The following CCDC60 variants were observed in gnomAD, a reference collection of about 807,000 sequenced individuals.
CCDC60 encodes coiled-coil domain-containing protein 60.
Under a neutral mutation model 63.5 loss-of-function variants are expected in CCDC60, and 54 were observed. That is an observed-to-expected ratio of 0.85 (90% confidence interval 0.68 to 1.07). The LOEUF (loss-of-function observed/expected upper bound fraction) is 1.07. Ranked by LOEUF, CCDC60 falls within the 50% of genes least tolerant of loss-of-function variation. CCDC60 has a pLI of 0.00. For missense variants in CCDC60, 651 were observed against 684.3 expected (o/e 0.95, Z 0.54); for synonymous variants, 206 against 238.8 (o/e 0.86, Z 1.27).
At chr12:119,377,254 C>CAAAAAAAAA (rs60100165) in intron 1 of CCDC60, among the ~76,000 whole-genome samples, 115 of 47,424 alleles carry the variant, frequency 2.4e-3, no homozygotes, top group Non-Finnish European at 3.4e-3. Context: ...CACTCCATCT[C>CAAAAAAAAA]AAAAAAAAAA....
intron 7 of CCDC60, among the ~76,000 whole-genome samples, chr12:119,514,340 CTA>C (rs1206625462): frequency 3.7e-5 from 4 of 108,476 alleles, no homozygotes; most frequent in African/African-American, 8.4e-5. Flanking sequence ...CCACATCTGG[CTA>C]TTTTTTTTTT....
chr12:119,381,959 A>C (rs548311872), intron 1 of CCDC60, among the ~76,000 whole-genome samples: 5 of 152,360 alleles, frequency 3.3e-5, no homozygotes, highest in Admixed American at 3.3e-4. Context: ...AAGTGAGCAC[A>C]AAGCAGGCTG....
At chr12:119,357,186 A>G (rs1955726727) in intron 1 of CCDC60, among the ~76,000 whole-genome samples, 1 of 152,188 alleles carries the variant, frequency 6.6e-6, no homozygotes, top group East Asian at 1.9e-4. Flanking sequence ...ATGTGTAATG[A>G]TCAAGTGAGG....
At chr12:119,522,902 A>G in intron 9 of CCDC60, 37 bp from the exon 10 acceptor site, 11 of 1,607,394 alleles carry the variant, frequency 6.8e-6, no homozygotes, top group Non-Finnish European at 9.4e-6. Flanking sequence ...TGAAAAGCAG[A>G]CTCTGAGCAA....
chr12:119,496,867 G>A (rs1322730026), intron 5 of CCDC60, among the ~76,000 whole-genome samples: 2 of 152,130 alleles, frequency 1.3e-5, no homozygotes, highest in Admixed American at 6.5e-5. Flanking sequence ...AGACTTGCCC[G>A]AGGTCACACA....
intron 1 of CCDC60, among the ~76,000 whole-genome samples, chr12:119,335,676 T>G (rs1407338566): frequency 1.3e-5 from 2 of 152,140 alleles, no homozygotes; most frequent in African/African-American, 4.8e-5. Context: ...TTTGTTTAAG[T>G]TCATTGTAGA....
At chr12:119,391,412 G>A (rs746616902) in intron 1 of CCDC60, among the ~76,000 whole-genome samples, 7 of 152,170 alleles carry the variant, frequency 4.6e-5, no homozygotes, top group Non-Finnish European at 8.8e-5. Flanking sequence ...AATGTCTTAG[G>A]CATGGATATA....
chr12:119,367,576 G>T (rs1955853474), intron 1 of CCDC60, among the ~76,000 whole-genome samples: 1 of 152,182 alleles, frequency 6.6e-6, no homozygotes, highest in African/African-American at 2.4e-5. Context: ...CTGTGACCTT[G>T]GGAAAGCTTA....
intron 1 of CCDC60, among the ~76,000 whole-genome samples, chr12:119,414,836 C>G (rs2136204996): frequency 6.6e-6 from 1 of 152,322 alleles, no homozygotes; most frequent in East Asian, 1.9e-4. Context: ...GCATGAGCCA[C>G]CACACCTGGC....
intron 2 of CCDC60, among the ~76,000 whole-genome samples, chr12:119,453,016 G>A (rs1023026774): frequency 3.3e-5 from 5 of 151,994 alleles, no homozygotes; most frequent in African/African-American, 1.2e-4. Flanking sequence ...TAGTAGAGAC[G>A]GGGTTTCACC....
chr12:119,523,144 C>T (rs1952576028), intron 10 of CCDC60, 143 bp downstream of exon 10: 1 of 784,204 alleles, frequency 1.3e-6, no homozygotes, highest in Non-Finnish European at 2.2e-6. Flanking sequence ...AGGGATCCCC[C>T]AGGTTTAGGG....
intron 13 of CCDC60, among the ~76,000 whole-genome samples, chr12:119,531,296 TA>T (rs767302546): frequency 6.6e-6 from 1 of 152,148 alleles, no homozygotes; most frequent in South Asian, 2.1e-4. Flanking sequence ...TGGGGTGGCA[TA>T]AAAAATGGGC....
In CCDC60 at chr12:119,354,553, T is replaced by G. The variant is rs560078929; in HGVS notation, c.90+19287T>G. ...GGGTTTTTCAGCATAAATCGCCATT[T>G]TCTGAAGGTTCACCTTTCTGCTTTA... On this transcript the variant is annotated intron_variant, in intron 1 of 13. Coordinates refer to ENST00000327554, the MANE Select transcript of CCDC60 (RefSeq NM_178499.5). 3.9e-5 allele frequency among the ~76,000 whole-genome samples: 6 copies of G among 152,358 alleles called. No individual in the cohort carries two copies. The East Asian group carries it at 9.6e-4, about 24-fold the overall frequency.
intron 13 of CCDC60, among the ~76,000 whole-genome samples, chr12:119,537,397 T>C (rs1051991525): frequency 6.6e-6 from 1 of 152,248 alleles, no homozygotes; most frequent in Non-Finnish European, 1.5e-5. Flanking sequence ...ACCGACCTTC[T>C]GAAGCCTACT....
At chr12:119,460,714 C>A (rs1261363428) in intron 2 of CCDC60, among the ~76,000 whole-genome samples, 1 of 152,192 alleles carries the variant, frequency 6.6e-6, no homozygotes, top group African/African-American at 2.4e-5. Flanking sequence ...CAATTCATAT[C>A]TGCTAATATC....
intron 1 of CCDC60, among the ~76,000 whole-genome samples, chr12:119,364,665 A>T (rs1260113509): frequency 6.6e-6 from 1 of 152,202 alleles, no homozygotes; most frequent in Non-Finnish European, 1.5e-5. Flanking sequence ...TGAGAAGATA[A>T]AAGTAATTTG....
intron 5 of CCDC60, among the ~76,000 whole-genome samples, chr12:119,495,861 G>T (rs140547782): frequency 1.3e-5 from 2 of 152,212 alleles, no homozygotes; most frequent in African/African-American, 2.4e-5. Context: ...AAGATACTTT[G>T]AGATAGCAAT....
intron 1 of CCDC60, among the ~76,000 whole-genome samples, chr12:119,374,969 T>G (rs1289113801): frequency 6.6e-6 from 1 of 152,310 alleles, no homozygotes; most frequent in African/African-American, 2.4e-5. Context: ...TGGTGGGTTT[T>G]GGCTGGCTTC....
At chr12:119,499,301 C>T (rs1175821938) in intron 5 of CCDC60, among the ~76,000 whole-genome samples, 1 of 151,832 alleles carries the variant, frequency 6.6e-6, no homozygotes, top group East Asian at 1.9e-4. Flanking sequence ...TTTTGTGGAG[C>T]CTGAAGCTTA....
Sources: gnomAD v4.1 joint callset for allele counts (sites outside exome capture counted in the v4.1 genomes callset) on GRCh38, gnomAD v4.1.1 for gene constraint, MANE v1.5 for transcripts, NCBI Gene and HGNC (gene_info 2026-07-23, HGNC 2026-07-21) for gene names.